The following PPP4R4 variants were observed in gnomAD, a reference collection of about 807,000 sequenced individuals.
PPP4R4 encodes protein phosphatase 4 regulatory subunit 4, also known as serine/threonine-protein phosphatase 4 regulatory subunit 4.
PPP4R4 carries 70 observed loss-of-function variants against 121.8 expected under a neutral mutation model. The ratio of observed to expected loss-of-function variants is 0.57; its 90% CI spans 0.47 to 0.70. PPP4R4 has a LOEUF of 0.70. Ranked by LOEUF, PPP4R4 falls within the 30% of genes least tolerant of loss-of-function variation. The pLI is 0.00. For missense variants in PPP4R4, 875 were observed against 1,033.6 expected, an observed-to-expected ratio of 0.85 and a Z score of 2.10; for synonymous variants, 348 against 355.7, an observed-to-expected ratio of 0.98 and a Z score of 0.24.
chr14:94,260,446 A>T (rs532592384), intron 19 of PPP4R4, among the ~76,000 whole-genome samples: 1 of 152,084 alleles, frequency 6.6e-6, no homozygotes, highest in Admixed American at 6.5e-5. Context: ...AAAACAAAAC[A>T]AAAAAACCTG....
intron 7 of PPP4R4, among the ~76,000 whole-genome samples, chr14:94,235,434 C>T (rs1264223716): frequency 1.8e-5 from 2 of 113,926 alleles, no homozygotes; most frequent in African/African-American, 3.5e-5. Context: ...GAGTCTCACT[C>T]TGTCACCCAG....
intron 2 of PPP4R4, among the ~76,000 whole-genome samples, chr14:94,191,597 C>T (rs939867234): frequency 5.9e-5 from 9 of 152,070 alleles, no homozygotes; most frequent in African/African-American, 2.2e-4. Flanking sequence ...GAACTTATTC[C>T]TCCTATCTTG....
chr14:94,210,484 G>T (rs1037128705), intron 3 of PPP4R4, among the ~76,000 whole-genome samples: 10 of 151,852 alleles, frequency 6.6e-5, no homozygotes, highest in South Asian at 2.1e-4. Context: ...CTGAATAATG[G>T]ATACAAAGGT....
chr14:94,183,739 A>G (rs1189179227), intron 2 of PPP4R4, among the ~76,000 whole-genome samples: 1 of 152,162 alleles, frequency 6.6e-6, no homozygotes, highest in African/African-American at 2.4e-5. Context: ...AGACCTCTGA[A>G]AGCGTAATAA....
intron 3 of PPP4R4, among the ~76,000 whole-genome samples, chr14:94,217,894 T>C (rs1891115169): frequency 1.3e-5 from 2 of 152,246 alleles, no homozygotes; most frequent in Middle Eastern, 6.8e-3. Context: ...CTCAGGAGGC[T>C]GAGGCAGGAG....
intron 14 of PPP4R4, 61 bp from the exon 15 acceptor site, chr14:94,250,111 G>T: frequency 8.8e-7 from 1 of 1,141,628 alleles, no homozygotes; most frequent in Admixed American, 1.7e-5. Context: ...ATTTGGTGGG[G>T]TCAAATTATC....
At chr14:94,228,439 T>G (rs530130952) in intron 3 of PPP4R4, among the ~76,000 whole-genome samples, 1 of 152,188 alleles carries the variant, frequency 6.6e-6, no homozygotes, top group Non-Finnish European at 1.5e-5. Flanking sequence ...CCTATTGTGA[T>G]GACTGACAGT....
At chr14:94,179,011 A>G (rs763010466) in intron 2 of PPP4R4, among the ~76,000 whole-genome samples, 65 of 152,216 alleles carry the variant, frequency 4.3e-4, no homozygotes, top group South Asian at 8.3e-4. Context: ...AGGTGACTCT[A>G]TCTTAGCTGT....
intron 14 of PPP4R4, among the ~76,000 whole-genome samples, chr14:94,249,811 A>T (rs1331362343): frequency 6.6e-6 from 1 of 152,040 alleles, no homozygotes; most frequent in African/African-American, 2.4e-5. Context: ...TACCTGACAC[A>T]TGGCATGTTA....
At chr14:94,276,777 A>G (rs1894666567) in intron 24 of PPP4R4, among the ~76,000 whole-genome samples, 2 of 152,212 alleles carry the variant, frequency 1.3e-5, no homozygotes, top group South Asian at 4.1e-4. Flanking sequence ...CGTTGGGTAT[A>G]TGCCCAACTT....
intron 6 of PPP4R4, 120 bp downstream of exon 6, chr14:94,233,879 T>A: frequency 1.5e-6 from 1 of 683,608 alleles, no homozygotes; most frequent in Non-Finnish European, 2.5e-6. Context: ...ATCTTAACTA[T>A]TTTAACTTTA....
At chr14:94,198,406 C>G (rs11625105) in intron 2 of PPP4R4, among the ~76,000 whole-genome samples, 24,048 of 152,064 alleles carry the variant, frequency 0.16, 2,021 homozygotes, top group Middle Eastern at 0.24. Flanking sequence ...TAAGAATTCT[C>G]TATATATTCT....
At chr14:94,210,074 T>G (rs1200372595) in intron 3 of PPP4R4, among the ~76,000 whole-genome samples, 1 of 151,790 alleles carries the variant, frequency 6.6e-6, no homozygotes, top group Non-Finnish European at 1.5e-5. Flanking sequence ...TACTTTCTAT[T>G]TAAAATATTC....
At chr14:94,184,664 T>G (rs1889169467) in intron 2 of PPP4R4, among the ~76,000 whole-genome samples, 1 of 152,236 alleles carries the variant, frequency 6.6e-6, no homozygotes. Context: ...GGTATTATAG[T>G]GTCTTTCATT....
Position 94,251,766 on chromosome 14 carries a change from A to T in PPP4R4, c.1735A>T (p.Ser579Cys). The change falls in exon 16 of 25, where the codon AGT (serine) becomes TGT (cysteine). Residue 579 changes from serine to cysteine, a missense_variant. Physicochemically the swap from Ser to Cys is moderately radical, Grantham distance 112. Transcript: ENST00000304338. ...GTTTCTAGAATTGGGCCAAGGAAAA[A>T]GTTACTGGAATAGACTTCGATTTTT... ...KLIEQLGQGK[S>C]YWNRLRFLDT... 1 of 1,555,126 alleles carries T rather than the reference A, an allele frequency of 6.4e-7. No homozygotes were observed. Among genetic ancestry groups the T allele is most frequent in the Non-Finnish European group, 8.7e-7 (1 of 1,155,484 alleles).
At chr14:94,195,818 C>T (rs1010866307) in intron 2 of PPP4R4, among the ~76,000 whole-genome samples, 1 of 151,930 alleles carries the variant, frequency 6.6e-6, no homozygotes, top group Non-Finnish European at 1.5e-5. Context: ...AGTTTTTCTC[C>T]CTGGGTAGGA....
intron 4 of PPP4R4, 86 bp from the exon 5 acceptor site, chr14:94,231,156 A>G (rs967429746): frequency 3.3e-6 from 3 of 913,170 alleles, no homozygotes; most frequent in Non-Finnish European, 5.0e-6. Flanking sequence ...TTTATCATTA[A>G]GTGCTATTGT....
rs186441919 is a variant in PPP4R4, at chr14:94,262,275, G to T, written c.2128-2603G>T. 2.6e-5 allele frequency among the ~76,000 whole-genome samples: 4 copies of T among 152,042 alleles called. No homozygotes were observed. In the East Asian group the frequency reaches 7.7e-4, roughly 29 times the overall value. On this transcript the variant is annotated intron_variant, in intron 19 of 24. Transcript: ENST00000304338. ...TTTCTTCTGTTGTCAATTTTGGTAA[G>T]TTGCTTCCCTTCCACCCCAGTTTAC...
chr14:94,251,991 CTT>C, intron 16 of PPP4R4, 95 bp downstream of exon 16: 2 of 1,136,836 alleles, frequency 1.8e-6, no homozygotes, highest in Non-Finnish European at 2.5e-6. Context: ...CAATTAAAAA[CTT>C]AAGTCAAGAA....
Sources: gnomAD v4.1 joint callset for allele counts (sites outside exome capture counted in the v4.1 genomes callset) on GRCh38, gnomAD v4.1.1 for gene constraint, MANE v1.5 for transcripts, NCBI Gene and HGNC (gene_info 2026-07-23, HGNC 2026-07-21) for gene names.